The following PIP variants were observed in gnomAD, a reference collection of about 807,000 sequenced individuals.
The protein encoded by PIP is prolactin induced protein.
PIP carries 9 observed loss-of-function variants against 12.8 expected under a neutral mutation model. That is an observed-to-expected ratio of 0.70 (90% CI 0.42 to 1.23). The LOEUF (loss-of-function observed/expected upper bound fraction) is 1.23, where lower values mean the gene tolerates loss of function less well. Ranked by LOEUF, PIP falls within the 50% of genes most tolerant of loss-of-function variation. The probability of loss-of-function intolerance (pLI) is 0.00; values close to 1 mark genes in which losing one functional copy is unlikely to be tolerated. For synonymous variants in PIP, 60 were observed against 66.1 expected, an observed-to-expected ratio of 0.91 and a Z score of 0.45; for missense variants, 172 against 179.5, an observed-to-expected ratio of 0.96 and a Z score of 0.24.
At chr7:143,136,050 G>A (rs1022799785) in intron 2 of PIP, among the ~76,000 whole-genome samples, 21 of 152,070 alleles carry the variant, frequency 1.4e-4, no homozygotes, top group African/African-American at 5.1e-4. Context: ...ACATTTTTGA[G>A]CAGCTTGGGA....
At chr7:143,135,747 C>T (rs1799303535) in intron 2 of PIP, among the ~76,000 whole-genome samples, 1 of 151,908 alleles carries the variant, frequency 6.6e-6, no homozygotes, top group Admixed American at 6.6e-5. Flanking sequence ...AAGCACTGAG[C>T]GACTCTACTG....
rs200758998 is a variant in PIP, at chr7:143,139,477, C to T, written c.317-41C>T. Reference sequence around the variant, plus strand: ...ATGAGTAGAAAAGACAGGACATGGCCGGGGTGTCTGAGAGATGATCTCCGT... The same window carrying T: ...ATGAGTAGAAAAGACAGGACATGGCTGGGGTGTCTGAGAGATGATCTCCGT... On this transcript the variant is annotated intron_variant, in intron 3 of 3. Coordinates refer to ENST00000291009, the MANE Select transcript of PIP (RefSeq NM_002652.3). 492 of 1,607,542 alleles carry T rather than the reference C, an allele frequency of 3.1e-4. 2 individuals carry two copies. The East Asian group carries it at 7.8e-3, about 25-fold the overall frequency.
In PIP at chr7:143,132,172, TCTGC is replaced by T; in HGVS notation, c.61_64del (p.Leu21SerfsTer15). 6.2e-7 allele frequency: 1 copy of T among 1,613,308 alleles called. No homozygotes were observed. Among genetic ancestry groups the T allele is most frequent in the East Asian group, 2.2e-5 (1 of 44,874 alleles). ...AGCCCTGCCACCCTGCTCCTGGTTC[TCTGC>T]CTGCAGTTGGGGGCCAACAAAGCTC... On this transcript the variant is annotated frameshift_variant, in exon 1 of 4. Transcript: ENST00000291009. LOFTEE classifies it high-confidence loss of function.
At chr7:143,137,465 C>T (rs1423553366) in intron 2 of PIP, among the ~76,000 whole-genome samples, 1 of 152,110 alleles carries the variant, frequency 6.6e-6, no homozygotes, top group African/African-American at 2.4e-5. Flanking sequence ...TGTTACTTAG[C>T]TTGAAGAAGT....
intron 2 of PIP, among the ~76,000 whole-genome samples, chr7:143,137,971 C>T (rs986249600): frequency 6.6e-6 from 1 of 151,756 alleles, no homozygotes; most frequent in African/African-American, 2.4e-5. Context: ...TTCTCCAAGG[C>T]ATTCTGAGTA....
intron 3 of PIP, 122 bp from the exon 4 acceptor site, chr7:143,139,396 G>C (rs1799345126): frequency 7.7e-7 from 1 of 1,294,404 alleles, no homozygotes; most frequent in African/African-American, 1.5e-5. Flanking sequence ...GTTGATACAG[G>C]AGACAAATTT....
rs147665862 is a variant in PIP, at chr7:143,132,341, G to A, written c.95+130G>A. On this transcript the variant is annotated intron_variant, in intron 1 of 3. Coordinates refer to ENST00000291009, the MANE Select transcript of PIP (RefSeq NM_002652.3). The stretch of plus-strand genomic sequence containing the variant: ...GAACTCTAGTCCCAGGAGCTCCCAT[G>A]GATCTCCTGCCAGGTTCCACTTCTT... 2.1e-4 allele frequency: 210 copies of A among 1,022,678 alleles called. 1 individual carries two copies. The African/African-American group carries it at 2.9e-3, about 14-fold the overall frequency. The allele number at this position is 1,022,678 out of a possible 1,614,324, so 63.4% of individuals were successfully genotyped here.
intron 1 of PIP, 34 bp downstream of exon 1, chr7:143,132,245 A>G (rs1397570456): frequency 6.2e-7 from 1 of 1,608,840 alleles, no homozygotes; most frequent in South Asian, 1.1e-5. Flanking sequence ...CACAAAAAAA[A>G]TTGCAGGGAG....
chr7:143,138,032 A>G (rs1799328840), intron 2 of PIP, among the ~76,000 whole-genome samples: 1 of 152,074 alleles, frequency 6.6e-6, no homozygotes, highest in Non-Finnish European at 1.5e-5. Context: ...CTGAACGGCT[A>G]CTTGATGCTG....
chr7:143,137,630 T>G (rs1799323210), intron 2 of PIP, among the ~76,000 whole-genome samples: 1 of 152,112 alleles, frequency 6.6e-6, no homozygotes. Context: ...CCGGGCACAG[T>G]GGCTTGTGCC....
At chr7:143,136,971 T>C (rs1799316375) in intron 2 of PIP, among the ~76,000 whole-genome samples, 1 of 151,556 alleles carries the variant, frequency 6.6e-6, no homozygotes, top group Non-Finnish European at 1.5e-5. Flanking sequence ...TAAATTTTTA[T>C]TAAAATATAT....
At position 143,139,709 on chromosome 7, in the gene PIP, T is replaced by A. The variant is rs967071741; in HGVS notation, c.*67T>A. ...AAAGAAACTTGGCTGGAATTTCTGC[T>A]GTGGTCTATAAAATAAACTTCTTAA... On this transcript the variant is annotated 3_prime_UTR_variant, in exon 4 of 4. Transcript: ENST00000291009. 6.7e-7 allele frequency: 1 copy of A among 1,496,948 alleles called. No homozygotes were observed. Among genetic ancestry groups the A allele is most frequent in the African/African-American group, 1.4e-5 (1 of 72,386 alleles). 92.7% of individuals were successfully genotyped at this position (1,496,948 alleles called of 1,614,324 possible).
chr7:143,133,711 A>G (rs1392260837), intron 1 of PIP, among the ~76,000 whole-genome samples: 1 of 152,088 alleles, frequency 6.6e-6, no homozygotes, highest in Non-Finnish European at 1.5e-5. Context: ...CTAAATAAAT[A>G]CAAATTCCTA....
At chr7:143,138,998 TC>T (rs1249397274) in intron 2 of PIP, 76 bp from the exon 3 acceptor site, 7 of 799,772 alleles carry the variant, frequency 8.8e-6, no homozygotes, top group Non-Finnish European at 1.6e-5. Flanking sequence ...CTCCGGCTTT[TC>T]CCTCTCCTAT....
At chr7:143,139,300 A>G in intron 3 of PIP, 111 bp downstream of exon 3, 2 of 846,024 alleles carry the variant, frequency 2.4e-6, no homozygotes, top group Admixed American at 3.6e-5. Flanking sequence ...TCAGGGCAGA[A>G]GGACAGAAGG....
chr7:143,135,270 G>C lies in PIP; in HGVS notation c.172G>C (p.Val58Leu). ...PNDEVTAVLA[V>L]QTELKECMVV... The stretch of plus-strand genomic sequence containing the variant: ...TGACGAAGTCACTGCAGTGCTTGCA[G>C]TTCAAACAGAATTGAAAGAATGCAT... Residue 58 changes from valine to leucine, a missense_variant, in exon 2 of 4, where the codon GTT (valine) becomes CTT (leucine). By Grantham distance (32) the Val-to-Leu change is conservative (BLOSUM62 1). Transcript: ENST00000291009. The C allele has an allele frequency of 6.3e-7, 1 of 1,595,644 alleles. No homozygotes were observed. Among genetic ancestry groups the C allele is most frequent in the Non-Finnish European group, 8.6e-7 (1 of 1,163,218 alleles).
chr7:143,132,124 T>C lies in PIP; in HGVS notation c.8T>C (p.Leu3Ser). Residue 3 changes from leucine to serine, a missense_variant, in exon 1 of 4, where the codon TTG becomes TCG. Physicochemically the swap from Leu to Ser is moderately radical, Grantham distance 145. Transcript: ENST00000291009. ...CCTTCTGTTTTCTCCAGCATGCGCT[T>C]GCTCCAGCTCCTGTTCAGGGCCAGC... MR[L>S]LQLLFRASPA... is the part of the protein sequence containing the mutation. 1 of 1,612,838 alleles carries C rather than the reference T, an allele frequency of 6.2e-7. No homozygotes were observed.
chr7:143,139,094 G>C lies in PIP; in HGVS notation c.221G>C (p.Ser74Thr). The change falls in exon 3 of 4, where the codon AGC (serine) becomes ACC (threonine). Residue 74 changes from serine to threonine, a missense_variant. Physicochemically the swap from Ser to Thr is moderately conservative, Grantham distance 58. Coordinates refer to ENST00000291009, the MANE Select transcript of PIP (RefSeq NM_002652.3). ...ECMVVKTYLI[S>T]SIPLQGAFNY... Reference sequence around the variant, plus strand: ...CACCAGGTTAAAACTTACCTCATTAGCAGCATCCCTCTACAAGGTGCATTT... The same window carrying C: ...CACCAGGTTAAAACTTACCTCATTACCAGCATCCCTCTACAAGGTGCATTT... The C allele has an allele frequency of 6.3e-7, 1 of 1,580,944 alleles. No homozygotes were observed. The highest frequency in any genetic ancestry group is 8.7e-7 in the Non-Finnish European group (1 of 1,149,492).
chr7:143,133,851 G>A (rs1799269793), intron 1 of PIP, among the ~76,000 whole-genome samples: 1 of 151,324 alleles, frequency 6.6e-6, no homozygotes, highest in African/African-American at 2.4e-5. Flanking sequence ...AAGTTACTGG[G>A]GTACAAGTGG....
Sources: gnomAD v4.1 joint callset for allele counts (sites outside exome capture counted in the v4.1 genomes callset) on GRCh38, gnomAD v4.1.1 for gene constraint, MANE v1.5 for transcripts, NCBI Gene and HGNC (gene_info 2026-07-23, HGNC 2026-07-21) for gene names.